The following BZW1 variants were observed in gnomAD, a reference collection of about 807,000 sequenced individuals.
The protein encoded by BZW1 is basic leucine zipper and W2 domains 1.
Under a neutral mutation model 54.1 loss-of-function variants are expected in BZW1, and 3 were observed. That is an observed-to-expected ratio of 0.06 (90% CI 0.03 to 0.14). The LOEUF is 0.14. Ranked by LOEUF, BZW1 falls within the 10% of genes least tolerant of loss-of-function variation. The probability of loss-of-function intolerance (pLI) is 1.00; values close to 1 mark genes in which losing one functional copy is unlikely to be tolerated. For missense variants in BZW1, 206 were observed against 491.7 expected, an observed-to-expected ratio of 0.42 and a Z score of 5.50; for synonymous variants, 152 against 162.7, an observed-to-expected ratio of 0.93 and a Z score of 0.50.
At chr2:200,817,031 G>A (rs755403082) in intron 5 of BZW1, 75 bp from the exon 6 acceptor site, 91 of 1,531,066 alleles carry the variant, frequency 5.9e-5, no homozygotes, top group Non-Finnish European at 7.5e-5. Flanking sequence ...CAGGTAGCCA[G>A]TATAACATGC....
At chr2:200,812,267 C>G in intron 1 of BZW1, 2 of 1,232,482 alleles carry the variant, frequency 1.6e-6, no homozygotes, top group Admixed American at 8.5e-5. Flanking sequence ...CTGGGCCGTG[C>G]CCGGCCTGGC....
At chr2:200,817,307 G>A (rs1469544418) in intron 6 of BZW1, 66 bp downstream of exon 6, 4 of 1,540,506 alleles carry the variant, frequency 2.6e-6, no homozygotes, top group East Asian at 4.5e-5. Context: ...ATGGTTTACT[G>A]TTCATAGATG....
In BZW1 at chr2:200,825,443, G is replaced by C. The variant is rs956713716; in HGVS notation, c.*3265G>C. 1 of 152,108 alleles carries C rather than the reference G, an allele frequency of 6.6e-6. No homozygotes were observed. Among genetic ancestry groups the C allele is most frequent in the Non-Finnish European group, 1.5e-5 (1 of 68,028 alleles). The allele number at this position is 152,108 out of a possible 1,614,324, so 9.4% of individuals were successfully genotyped here. On this transcript the variant is annotated 3_prime_UTR_variant, in exon 12 of 12. Transcript: ENST00000409600. Reference sequence around the variant, plus strand: ...ATTTTTTAAAAGGGAAGAAGACCTAGTGATAGACCTTTGCATTGGCAGGCA... The same window carrying C: ...ATTTTTTAAAAGGGAAGAAGACCTACTGATAGACCTTTGCATTGGCAGGCA...
chr2:200,813,184 A>G (rs767312290), intron 1 of BZW1, 24 bp from the exon 2 acceptor site: 2 of 1,594,808 alleles, frequency 1.3e-6, no homozygotes, highest in Non-Finnish European at 1.7e-6. Flanking sequence ...CACTGATATT[A>G]AGGCTTTATT....
chr2:200,818,191 A>G, intron 7 of BZW1, 32 bp from the exon 8 acceptor site: 1 of 1,528,842 alleles, frequency 6.5e-7, no homozygotes, highest in African/African-American at 1.4e-5. Context: ...TCTGATTTAA[A>G]GAAAGTTTAA....
chr2:200,818,875 G>A lies in BZW1; in HGVS notation c.940G>A (p.Ala314Thr). 6.3e-7 allele frequency: 1 copy of A among 1,594,332 alleles called. No homozygotes were observed. The highest frequency in any genetic ancestry group is 1.9e-5 in the Admixed American group (1 of 53,858). Reference protein sequence around the residue: ...VEWNKKEELVAEQAIKHLKQY... With the variant: ...VEWNKKEELVTEQAIKHLKQY... Reference sequence around the variant, plus strand: ...ATGGAACAAAAAAGAGGAGCTTGTAGCAGAGCAAGCCATCAAGCACTTGAA... The same window carrying A: ...ATGGAACAAAAAAGAGGAGCTTGTAACAGAGCAAGCCATCAAGCACTTGAA... Residue 314 changes from alanine to threonine, a missense_variant, in exon 9 of 12, where the codon GCA (alanine) becomes ACA (threonine). Ala to Thr is a moderately conservative substitution (Grantham distance 58, BLOSUM62 0). Coordinates refer to ENST00000409600, the MANE Select transcript of BZW1 (RefSeq NM_001207067.2).
At chr2:200,814,662 G>A (rs1364198847) in intron 2 of BZW1, among the ~76,000 whole-genome samples, 1 of 152,170 alleles carries the variant, frequency 6.6e-6, no homozygotes, top group Admixed American at 6.5e-5. Context: ...ATTCTGGCAT[G>A]GCGAGTGAGA....
intron 1 of BZW1, 121 bp downstream of exon 1, chr2:200,812,111 C>T (rs897862218): frequency 1.6e-5 from 12 of 753,504 alleles, no homozygotes; most frequent in South Asian, 7.1e-5. Context: ...CGGAGGTCGC[C>T]TCTTGAGGCC....
chr2:200,817,494 A>G (rs889583868), intron 6 of BZW1, among the ~76,000 whole-genome samples: 4 of 152,212 alleles, frequency 2.6e-5, no homozygotes, highest in Admixed American at 1.3e-4. Context: ...TAAAATGAGA[A>G]ATGCTGTGGG....
At chr2:200,816,573 C>T (rs1411624822) in intron 5 of BZW1, among the ~76,000 whole-genome samples, 183 bp downstream of exon 5, 2 of 152,144 alleles carry the variant, frequency 1.3e-5, no homozygotes, top group Non-Finnish European at 2.9e-5. Flanking sequence ...CTCACTGCAG[C>T]CTTTGCCTCC....
Position 200,821,382 on chromosome 2 carries a change from C to A in BZW1, c.1228+77C>A, listed in dbSNP as rs531884850. The A allele has an allele frequency of 3.8e-5, 58 of 1,543,480 alleles. No individual in the cohort carries two copies. The Middle Eastern group carries it at 1.7e-3, about 46-fold the overall frequency. Reference sequence around the variant, plus strand: ...CCATAATATATCTTCACACATGCTTCCTTCTTTCTGATGCCATTTTGTACC... The same window carrying A: ...CCATAATATATCTTCACACATGCTTACTTCTTTCTGATGCCATTTTGTACC... On this transcript the variant is annotated intron_variant, in intron 11 of 11. Coordinates refer to ENST00000409600, the MANE Select transcript of BZW1 (RefSeq NM_001207067.2).
At chr2:200,812,916 A>T (rs2038141452) in intron 1 of BZW1, 1 of 660,892 alleles carries the variant, frequency 1.5e-6, no homozygotes, top group Admixed American at 2.1e-5. Context: ...ATGTGGAGAA[A>T]ACTGAACAAT....
chr2:200,815,469 C>T lies in BZW1; in HGVS notation c.193C>T (p.Arg65Ter), dbSNP rs762182538. The T allele has an allele frequency of 6.2e-7, 1 of 1,613,866 alleles. No individual in the cohort carries two copies. The highest frequency in any genetic ancestry group is 2.2e-5 in the East Asian group (1 of 44,886). ...DASGAKLDYR[R>*]YAETLFDILV... is the part of the protein sequence containing the mutation. ...TTCTGGAGCAAAACTTGATTACCGT[C>T]GATATGCAGAAACACTCTTTGACAT... The change falls in exon 3 of 12, where the codon CGA becomes TGA. Residue 65 changes from arginine to a stop codon, truncating the protein, a stop_gained. Coordinates refer to ENST00000409600, the MANE Select transcript of BZW1 (RefSeq NM_001207067.2). LOFTEE classifies it high-confidence loss of function.
Position 200,821,201 on chromosome 2 carries a change from A to C in BZW1, c.1124A>C (p.Glu375Ala), listed in dbSNP as rs781123360. 1 of 1,611,686 alleles carries C rather than the reference A, an allele frequency of 6.2e-7. No homozygotes were observed. Reference sequence around the variant, plus strand: ...TTTCCAGCTGAAGTCCTGAGCGAGGAGCCCATTTTGAAGTGGTATAAAGAT... The same window carrying C: ...TTTCCAGCTGAAGTCCTGAGCGAGGCGCCCATTTTGAAGTGGTATAAAGAT... ...LFYKAEVLSEEPILKWYKDAH... is the reference protein window; with the variant it reads ...LFYKAEVLSEAPILKWYKDAH... Residue 375 changes from glutamate (E) to alanine (A), a missense_variant, in exon 11 of 12, where the codon GAG becomes GCG. Physicochemically the swap from Glu to Ala is moderately radical, Grantham distance 107. Transcript: ENST00000409600.
chr2:200,817,387 A>G, intron 6 of BZW1, 146 bp downstream of exon 6: 1 of 1,047,298 alleles, frequency 9.5e-7, no homozygotes, highest in Non-Finnish European at 1.4e-6. Context: ...TTCACTAGAC[A>G]TTTAATGAAT....
chr2:200,818,960 A>G, intron 9 of BZW1, 59 bp downstream of exon 9: 2 of 1,494,630 alleles, frequency 1.3e-6, no homozygotes, highest in Non-Finnish European at 1.8e-6. Flanking sequence ...TGATAAGTGA[A>G]CTGTGACTAT....
Position 200,811,930 on chromosome 2 carries a change from C to A in BZW1, c.-71C>A. ...GCGTTAGTTCCGGTCGCAGAGGAGA[C>A]ACCGCCGCAGTTGCCGGTACATCGG... is the stretch of plus-strand genomic sequence containing the variant. On this transcript the variant is annotated 5_prime_UTR_variant, in exon 1 of 12. Coordinates refer to ENST00000409600, the MANE Select transcript of BZW1 (RefSeq NM_001207067.2). 3.9e-6 allele frequency: 1 copy of A among 257,372 alleles called. No individual in the cohort carries two copies. The highest frequency in any genetic ancestry group is 7.3e-6 in the Non-Finnish European group (1 of 136,260). The allele number at this position is 257,372 out of a possible 1,614,324, so 15.9% of individuals were successfully genotyped here. A position where few individuals can be genotyped will look rare whatever the true frequency, so the allele number is the denominator to read the frequency against.
chr2:200,818,520 T>G, intron 8 of BZW1, 127 bp downstream of exon 8: 1 of 1,209,166 alleles, frequency 8.3e-7, no homozygotes, highest in Non-Finnish European at 1.2e-6. Context: ...ACTGGAACTT[T>G]GCCTCATTCT....
rs1428351900 is a variant in BZW1 at position 200,823,614 on chromosome 2, CAT to C, written c.*1437_*1438del. On this transcript the variant is annotated 3_prime_UTR_variant, in exon 12 of 12. Coordinates refer to ENST00000409600, the MANE Select transcript of BZW1 (RefSeq NM_001207067.2). The stretch of plus-strand genomic sequence containing the variant: ...TTAAAAGTTCATTTTGAGGGAATAA[CAT>C]GTAATATAATTTGAAATAAAGGTAT... 6.6e-6 allele frequency: 1 copy of C among 152,526 alleles called. No individual in the cohort carries two copies. The highest frequency in any genetic ancestry group is 1.5e-5 in the Non-Finnish European group (1 of 68,018). 9.4% of individuals were successfully genotyped at this position (152,526 alleles called of 1,614,324 possible).
Sources: gnomAD v4.1 joint callset for allele counts (sites outside exome capture counted in the v4.1 genomes callset) on GRCh38, gnomAD v4.1.1 for gene constraint, MANE v1.5 for transcripts, NCBI Gene and HGNC (gene_info 2026-07-23, HGNC 2026-07-21) for gene names.